The following SEMA6D variants were observed in gnomAD, a reference collection of about 807,000 sequenced individuals.
SEMA6D encodes the protein semaphorin 6D.
A neutral mutation model predicts 106.6 loss-of-function variants in SEMA6D; 35 were observed. The observed-to-expected ratio is 0.33, with a 90% CI of 0.25 to 0.44. SEMA6D has a LOEUF of 0.44. SEMA6D is among the 20% of genes least tolerant of loss of function. The pLI is 1.00. For missense variants in SEMA6D, 1,185 were observed against 1,345.9 expected (o/e 0.88, Z 1.87); for synonymous variants, 499 against 487.7 (o/e 1.02, Z -0.31).
intron 3 of SEMA6D, among the ~76,000 whole-genome samples, chr15:47,540,139 A>G (rs1444242074): frequency 2.6e-5 from 4 of 152,110 alleles, no homozygotes; most frequent in African/African-American, 9.7e-5. Context: ...AAACTATGTA[A>G]TGAAGCCACA....
chr15:47,334,939 A>G (rs2037489099), intron 1 of SEMA6D, among the ~76,000 whole-genome samples: 1 of 152,236 alleles, frequency 6.6e-6, no homozygotes, highest in Non-Finnish European at 1.5e-5. Context: ...TATCTGTAAT[A>G]GGTAAAATGA....
At chr15:47,677,212 G>A (rs1480912342) in intron 4 of SEMA6D, among the ~76,000 whole-genome samples, 2 of 152,162 alleles carry the variant, frequency 1.3e-5, no homozygotes, top group African/African-American at 2.4e-5. Context: ...TGTAAAGGTT[G>A]AGCTGAGATG....
chr15:47,645,846 A>G (rs888391327), intron 4 of SEMA6D, among the ~76,000 whole-genome samples: 6 of 152,152 alleles, frequency 3.9e-5, no homozygotes, highest in African/African-American at 1.4e-4. Context: ...ACCCGGGGAA[A>G]CATTCTACTG....
intron 3 of SEMA6D, among the ~76,000 whole-genome samples, chr15:47,523,368 C>G (rs144152203): frequency 6.6e-6 from 1 of 152,144 alleles, no homozygotes; most frequent in African/African-American, 2.4e-5. Flanking sequence ...CAGGGGGCTT[C>G]CCAATGGAAG....
At chr15:47,529,620 A>AC (rs2044884704) in intron 3 of SEMA6D, among the ~76,000 whole-genome samples, 2 of 150,772 alleles carry the variant, frequency 1.3e-5, no homozygotes, top group African/African-American at 4.9e-5. Flanking sequence ...AAAAAAAAAA[A>AC]CAAGTCATCT....
intron 4 of SEMA6D, among the ~76,000 whole-genome samples, chr15:47,656,757 T>C (rs1271693554): frequency 6.6e-6 from 1 of 152,200 alleles, no homozygotes; most frequent in Non-Finnish European, 1.5e-5. Context: ...CCCTTTGCTC[T>C]GTGGAAGGGA....
At chr15:47,310,340 C>T (rs1566988818) in intron 1 of SEMA6D, among the ~76,000 whole-genome samples, 2 of 152,086 alleles carry the variant, frequency 1.3e-5, no homozygotes, top group Non-Finnish European at 2.9e-5. Flanking sequence ...AGCTGTGGTG[C>T]TAATAATGGG....
At chr15:47,200,906 A>G (rs532869654) in intron 1 of SEMA6D, among the ~76,000 whole-genome samples, 2 of 152,208 alleles carry the variant, frequency 1.3e-5, no homozygotes, top group Non-Finnish European at 2.9e-5. Context: ...AAACAATATG[A>G]TGACTGAATG....
At chr15:47,720,287 A>C (rs1230334995) in intron 1 of SEMA6D, among the ~76,000 whole-genome samples, 1 of 93,042 alleles carries the variant, frequency 1.1e-5, no homozygotes, top group Non-Finnish European at 2.2e-5. Context: ...TTTTTTTTGG[A>C]ACATTTCTGT....
chr15:47,337,931 C>G (rs141412937), intron 1 of SEMA6D, among the ~76,000 whole-genome samples: 44 of 152,240 alleles, frequency 2.9e-4, no homozygotes, highest in Non-Finnish European at 5.1e-4. Context: ...TTTCCTTCCC[C>G]CAGAACTCCT....
At chr15:47,673,678 G>A (rs938380884) in intron 4 of SEMA6D, among the ~76,000 whole-genome samples, 1 of 152,192 alleles carries the variant, frequency 6.6e-6, no homozygotes, top group African/African-American at 2.4e-5. Flanking sequence ...CTTGCAGCAG[G>A]AAGGAAAAGG....
intron 1 of SEMA6D, among the ~76,000 whole-genome samples, chr15:47,210,234 C>T (rs1217306827): frequency 6.6e-6 from 1 of 152,114 alleles, no homozygotes; most frequent in African/African-American, 2.4e-5. Context: ...AATAATTCAT[C>T]CAAGCCAAGA....
chr15:47,507,868 G>C (rs768405127), intron 3 of SEMA6D, among the ~76,000 whole-genome samples: 1 of 152,196 alleles, frequency 6.6e-6, no homozygotes, highest in Non-Finnish European at 1.5e-5. Context: ...AGTGTCTTTT[G>C]CATCCTGAAC....
chr15:47,529,619 A>AC (rs1362083747), intron 3 of SEMA6D, among the ~76,000 whole-genome samples: 2 of 151,400 alleles, frequency 1.3e-5, no homozygotes, highest in Non-Finnish European at 2.9e-5. Context: ...AAAAAAAAAA[A>AC]ACAAGTCATC....
chr15:47,752,922 T>TAA (rs1460110688), intron 1 of SEMA6D, among the ~76,000 whole-genome samples: 3 of 151,406 alleles, frequency 2.0e-5, no homozygotes, highest in Non-Finnish European at 4.4e-5. Context: ...GGCAGGAGAA[T>TAA]TGCTTGAACC....
At chr15:47,217,918 A>G (rs1595756686) in intron 1 of SEMA6D, among the ~76,000 whole-genome samples, 1 of 135,134 alleles carries the variant, frequency 7.4e-6, no homozygotes, top group Admixed American at 7.4e-5. Flanking sequence ...TTTATAAAGT[A>G]TCCCTTAGCT....
chr15:47,392,797 T>C (rs752973757), intron 1 of SEMA6D, among the ~76,000 whole-genome samples: 28 of 152,212 alleles, frequency 1.8e-4, no homozygotes, highest in Non-Finnish European at 2.8e-4. Context: ...CTTAATTCTC[T>C]GCAGAAACTC....
intron 4 of SEMA6D, among the ~76,000 whole-genome samples, chr15:47,642,900 T>A (rs898999577): frequency 2.7e-5 from 4 of 150,576 alleles, no homozygotes; most frequent in South Asian, 4.2e-4. Context: ...AAGATGAAAA[T>A]GGAGAAGGAA....
intron 2 of SEMA6D, among the ~76,000 whole-genome samples, chr15:47,438,559 A>T (rs948525078): frequency 6.6e-6 from 1 of 151,866 alleles, no homozygotes; most frequent in Non-Finnish European, 1.5e-5. Context: ...ACAGATCATT[A>T]GTTTCCTTCT....
Sources: gnomAD v4.1 joint callset for allele counts (sites outside exome capture counted in the v4.1 genomes callset) on GRCh38, gnomAD v4.1.1 for gene constraint, MANE v1.5 for transcripts, NCBI Gene and HGNC (gene_info 2026-07-23, HGNC 2026-07-21) for gene names.